P3H2: variants seen among roughly 807,000 people sequenced by gnomAD.
The protein encoded by P3H2 is leprecan-like 1.
A neutral mutation model predicts 87.0 loss-of-function variants in P3H2; 80 were observed. The observed-to-expected ratio is 0.92, with a 90% confidence interval of 0.77 to 1.11. The LOEUF (loss-of-function observed/expected upper bound fraction) is 1.11. Among genes scored for constraint, P3H2 ranks in the 50% least tolerant of loss-of-function variants. P3H2 has a pLI of 0.00. For missense variants in P3H2, 1,001 were observed against 923.9 expected, an observed-to-expected ratio of 1.08 and a Z score of -1.08; for synonymous variants, 367 against 359.3, an observed-to-expected ratio of 1.02 and a Z score of -0.24.
intron 1 of P3H2, among the ~76,000 whole-genome samples, chr3:190,038,085 G>C (rs978200393): frequency 6.6e-6 from 1 of 152,040 alleles, no homozygotes; most frequent in Non-Finnish European, 1.5e-5. Context: ...AAATCTAAGA[G>C]AAAATTAGAT....
chr3:190,057,581 A>G (rs1726197845), intron 1 of P3H2, among the ~76,000 whole-genome samples: 1 of 152,142 alleles, frequency 6.6e-6, no homozygotes, highest in Non-Finnish European at 1.5e-5. Context: ...AGTTTCATAT[A>G]GATTTCTATT....
At position 189,986,810 on chromosome 3, in the gene P3H2, A is replaced by G; in HGVS notation, c.1166T>C (p.Leu389Pro). The change falls in exon 6 of 15, where the codon CTG becomes CCG. Residue 389 changes from leucine to proline, a missense_variant. By Grantham distance (98) the Leu-to-Pro change is moderately conservative. Coordinates refer to ENST00000319332, the MANE Select transcript of P3H2 (RefSeq NM_018192.4). ...TACCGGTTCAGTGTATGAAAACCCCAGACCTTCTGCAGCTGATTTTATCAG... is the reference window on the plus strand; with the variant it reads ...TACCGGTTCAGTGTATGAAAACCCCGGACCTTCTGCAGCTGATTTTATCAG... ...SELIKSAAEG[L>P]GFSYTEPNYW... is the part of the protein sequence containing the mutation. The G allele has an allele frequency of 1.9e-6, 3 of 1,611,238 alleles. No homozygotes were observed. The highest frequency in any genetic ancestry group is 2.7e-5 in the African/African-American group (2 of 75,002).
At chr3:189,994,004 T>G in intron 3 of P3H2, 90 bp downstream of exon 3, 1 of 951,690 alleles carries the variant, frequency 1.1e-6, no homozygotes, top group South Asian at 1.4e-5. Flanking sequence ...TTACAGTATA[T>G]TCTTCTATTT....
intron 1 of P3H2, among the ~76,000 whole-genome samples, chr3:190,092,308 T>G (rs1451797342): frequency 6.6e-6 from 1 of 151,964 alleles, no homozygotes; most frequent in Non-Finnish European, 1.5e-5. Flanking sequence ...TGAAATAGTA[T>G]AAAAGGGCCA....
chr3:189,994,048 A>AT, intron 3 of P3H2, 46 bp downstream of exon 3: 1 of 1,447,652 alleles, frequency 6.9e-7, no homozygotes, highest in Non-Finnish European at 9.6e-7. Flanking sequence ...TGCAAGTAGT[A>AT]TTTTTATAAT....
At chr3:190,121,968 T>A (rs1304085514), upstream of P3H2, among the ~76,000 whole-genome samples, 1 of 151,562 alleles carries the variant, frequency 6.6e-6, no homozygotes, top group African/African-American at 2.4e-5. Flanking sequence ...GGCACGTGCC[T>A]GCAGACCCAG....
intron 9 of P3H2, 83 bp from the exon 10 acceptor site, chr3:189,974,087 T>C: frequency 1.8e-6 from 2 of 1,106,310 alleles, no homozygotes; most frequent in Non-Finnish European, 2.8e-6. Context: ...GCCAGAAAGC[T>C]GAGAACTCTA....
chr3:189,961,094 C>T (rs913099371), intron 14 of P3H2, among the ~76,000 whole-genome samples: 2 of 152,126 alleles, frequency 1.3e-5, no homozygotes, highest in Non-Finnish European at 2.9e-5. Context: ...GCATATGCCA[C>T]CATGCCTGGC....
chr3:189,961,182 C>T (rs1722800617), intron 14 of P3H2, among the ~76,000 whole-genome samples: 1 of 152,154 alleles, frequency 6.6e-6, no homozygotes, highest in South Asian at 2.1e-4. Flanking sequence ...CTCAGGTGAT[C>T]TGCCCGCCTC....
At chr3:189,985,881 T>TA (rs1258888046) in intron 6 of P3H2, among the ~76,000 whole-genome samples, 3 of 152,134 alleles carry the variant, frequency 2.0e-5, no homozygotes, top group Admixed American at 2.0e-4. Context: ...ACCAACTTTT[T>TA]AGAGACTAAA....
At chr3:190,083,406 T>C (rs887387187) in intron 1 of P3H2, among the ~76,000 whole-genome samples, 1 of 152,138 alleles carries the variant, frequency 6.6e-6, no homozygotes, top group Non-Finnish European at 1.5e-5. Flanking sequence ...TGGTGTGTGC[T>C]TTTTGGCTAA....
chr3:189,990,514 G>A lies in P3H2; in HGVS notation c.824-1476C>T, dbSNP rs904244016. Among the ~76,000 whole-genome samples, 3 of 151,254 alleles carry A rather than the reference G, an allele frequency of 2.0e-5. No homozygotes were observed. The Admixed American group carries it at 2.0e-4, about 10-fold the overall frequency. The stretch of plus-strand genomic sequence containing the variant: ...CTGAATGGAAATATTTTTTCAAAGC[G>A]GATACAAATAGCAGCAAAATAGGAG... On this transcript the variant is annotated intron_variant, in intron 3 of 14. Transcript: ENST00000319332.
At chr3:190,002,302 T>C (rs542948732) in intron 1 of P3H2, among the ~76,000 whole-genome samples, 24 of 152,304 alleles carry the variant, frequency 1.6e-4, no homozygotes, top group African/African-American at 5.8e-4. Flanking sequence ...ATATATTCTG[T>C]TGCACCTTTT....
In P3H2 at chr3:189,974,543, T is replaced by C; in HGVS notation, c.1452+15A>G. 6.2e-7 allele frequency: 1 copy of C among 1,613,030 alleles called. No homozygotes were observed. The highest frequency in any genetic ancestry group is 8.5e-7 in the Non-Finnish European group (1 of 1,179,992). On this transcript the variant is annotated intron_variant, in intron 9 of 14. Coordinates refer to ENST00000319332, the MANE Select transcript of P3H2 (RefSeq NM_018192.4). ...GGCCAGCGCAGTGAGCTCCCCTCCT[T>C]CTCCGGATCCTCACACTGGCCACGC...
At chr3:190,049,523 T>C (rs183672461) in intron 1 of P3H2, among the ~76,000 whole-genome samples, 1 of 152,344 alleles carries the variant, frequency 6.6e-6, no homozygotes, top group African/African-American at 2.4e-5. Context: ...TACATTTCGC[T>C]TTCATGACAT....
intron 1 of P3H2, among the ~76,000 whole-genome samples, chr3:190,073,138 G>GAT (rs1276017245): frequency 6.6e-6 from 1 of 152,178 alleles, no homozygotes; most frequent in Non-Finnish European, 1.5e-5. Flanking sequence ...CTAAAGAACA[G>GAT]ATACACCTAA....
At position 190,120,338 on chromosome 3, in the gene P3H2, CG is replaced by C; in HGVS notation, c.393del (p.Ala132HisfsTer72). ...TCCTCGCTGACGCGGTGGCGGGATG[CG>C]GGGCCCCCGAGGCGCTGGGTCTCAC... ...RSCETQRLGG[P>X]ASRHRVSEDV... On this transcript the variant is annotated frameshift_variant, in exon 1 of 15. Transcript: ENST00000319332. LOFTEE classifies it high-confidence loss of function. 1 of 1,588,594 alleles carries C rather than the reference CG, an allele frequency of 6.3e-7. No individual in the cohort carries two copies.
chr3:189,975,310 G>C (rs1184333110), intron 8 of P3H2, among the ~76,000 whole-genome samples: 11 of 152,300 alleles, frequency 7.2e-5, no homozygotes, highest in Admixed American at 6.5e-4. Flanking sequence ...TCTTCCCAGA[G>C]AGAGACCACA....
intron 1 of P3H2, among the ~76,000 whole-genome samples, chr3:190,078,369 T>C (rs1032925288): frequency 6.6e-6 from 1 of 152,206 alleles, no homozygotes; most frequent in African/African-American, 2.4e-5. Context: ...TTTTACTGCA[T>C]TTATGATGAA....
Sources: allele counts gnomAD v4.1 joint callset (sites outside exome capture counted in the v4.1 genomes callset), GRCh38; gene constraint gnomAD v4.1.1; transcripts MANE v1.5; gene names NCBI Gene and HGNC (gene_info 2026-07-23, HGNC 2026-07-21).